COBL: variants seen among roughly 807,000 people sequenced by gnomAD.
COBL encodes protein cordon-bleu.
A neutral mutation model predicts 98.8 loss-of-function variants in COBL; 51 were observed. The ratio of observed to expected loss-of-function variants is 0.52; its 90% CI spans 0.41 to 0.65. The LOEUF (loss-of-function observed/expected upper bound fraction) is 0.65. Among genes scored for constraint, COBL ranks in the 30% least tolerant of loss-of-function variants. The pLI, the probability that COBL is intolerant of heterozygous loss-of-function variation, is 0.00. For missense variants in COBL, 1,617 were observed against 1,617.5 expected, an observed-to-expected ratio of 1.00 and a Z score of 0.01; for synonymous variants, 634 against 651.7, an observed-to-expected ratio of 0.97 and a Z score of 0.41.
intron 5 of COBL, among the ~76,000 whole-genome samples, chr7:51,157,565 A>C (rs1027638088): frequency 3.9e-5 from 6 of 152,086 alleles, no homozygotes; most frequent in African/African-American, 1.4e-4. Flanking sequence ...GCGAGTGTCT[A>C]TGTGGGGAGG....
At chr7:51,294,340 A>G (rs1801204931) in intron 1 of COBL, among the ~76,000 whole-genome samples, 1 of 147,354 alleles carries the variant, frequency 6.8e-6, no homozygotes, top group South Asian at 2.2e-4. Context: ...AAAAATAAAT[A>G]AATAAATAAA....
At chr7:51,202,544 T>TC (rs1336489120) in intron 2 of COBL, among the ~76,000 whole-genome samples, 1 of 151,504 alleles carries the variant, frequency 6.6e-6, no homozygotes, top group Non-Finnish European at 1.5e-5. Context: ...TTAGAACAAA[T>TC]CCCCCACAGA....
intron 1 of COBL, among the ~76,000 whole-genome samples, chr7:51,296,621 T>C (rs1329617891): frequency 6.6e-6 from 1 of 152,240 alleles, no homozygotes; most frequent in Non-Finnish European, 1.5e-5. Flanking sequence ...GATAAATGAC[T>C]CTGAAAGTAT....
chr7:51,242,412 T>C (rs2011611), intron 1 of COBL, among the ~76,000 whole-genome samples: 57,143 of 152,134 alleles, frequency 0.38, 11,324 homozygotes, highest in Non-Finnish European at 0.44. Context: ...ATTCTTTCCT[T>C]GCTTTGTTTG....
intron 6 of COBL, among the ~76,000 whole-genome samples, chr7:51,087,778 CTTTTT>C (rs34922133): frequency 1.7e-5 from 2 of 117,290 alleles, no homozygotes; most frequent in African/African-American, 3.4e-5. Flanking sequence ...CCGGCCCCGC[CTTTTT>C]TTTTTTTTTT....
At chr7:51,254,627 C>A (rs1025521896) in intron 1 of COBL, among the ~76,000 whole-genome samples, 4 of 152,160 alleles carry the variant, frequency 2.6e-5, no homozygotes, top group Admixed American at 6.5e-5. Context: ...CTCCACCACT[C>A]TTCTCAATCA....
At chr7:51,087,778 CTTTTTTTT>C (rs34922133) in intron 6 of COBL, among the ~76,000 whole-genome samples, 3 of 117,328 alleles carry the variant, frequency 2.6e-5, no homozygotes, top group African/African-American at 1.0e-4. Context: ...CCGGCCCCGC[CTTTTTTTT>C]TTTTTTTTTT....
chr7:51,226,339 T>C (rs1327301243), intron 1 of COBL, among the ~76,000 whole-genome samples: 6 of 152,188 alleles, frequency 3.9e-5, no homozygotes, highest in Admixed American at 1.3e-4. Context: ...TCTTCAGCAA[T>C]AGGATGTTTG....
At chr7:51,304,326 A>G in intron 1 of COBL, among the ~76,000 whole-genome samples, 1 of 152,154 alleles carries the variant, frequency 6.6e-6, no homozygotes, top group East Asian at 1.9e-4. Flanking sequence ...GTCACCATTC[A>G]TTCTCCCCAC....
intron 1 of COBL, among the ~76,000 whole-genome samples, chr7:51,230,174 C>T (rs1353040438): frequency 1.3e-5 from 2 of 152,166 alleles, no homozygotes; most frequent in Non-Finnish European, 2.9e-5. Context: ...CTCCAAGCTT[C>T]TCTCCTACGT....
chr7:51,305,526 A>C (rs902431568), intron 1 of COBL, among the ~76,000 whole-genome samples: 3 of 151,486 alleles, frequency 2.0e-5, no homozygotes, highest in Non-Finnish European at 4.4e-5. Flanking sequence ...CATTTAGAAC[A>C]ATCAGTTCTA....
intron 2 of COBL, among the ~76,000 whole-genome samples, chr7:51,217,776 C>A (rs1243897597): frequency 6.6e-6 from 1 of 152,176 alleles, no homozygotes; most frequent in Non-Finnish European, 1.5e-5. Flanking sequence ...TATAATAATG[C>A]GACTAATTTC....
At chr7:51,178,411 T>C (rs1240935244) in intron 5 of COBL, among the ~76,000 whole-genome samples, 1 of 152,164 alleles carries the variant, frequency 6.6e-6, no homozygotes, top group Non-Finnish European at 1.5e-5. Flanking sequence ...TTGGATGGAT[T>C]TGTTTATAAG....
At chr7:51,019,091 T>C (rs1476733682) in intron 12 of COBL, among the ~76,000 whole-genome samples, 2 of 151,240 alleles carry the variant, frequency 1.3e-5, no homozygotes, top group African/African-American at 4.9e-5. Context: ...ACAAACACAG[T>C]GCTCCACTTA....
chr7:51,203,056 T>TGAG (rs542189737), intron 2 of COBL, among the ~76,000 whole-genome samples: 50 of 145,258 alleles, frequency 3.4e-4, no homozygotes, highest in African/African-American at 1.2e-3. Flanking sequence ...ATAAGAATAA[T>TGAG]GAGGAGGAGG....
In COBL at chr7:51,305,887, T is replaced by C. The variant is rs1042096769; in HGVS notation, c.41+10706A>G. Among the ~76,000 whole-genome samples the C allele has an allele frequency of 3.9e-5, 6 of 152,008 alleles. No homozygotes were observed. The East Asian group carries it at 7.8e-4, about 20-fold the overall frequency. ...CGTCTCTACTAAAATACAAAAAAAA[T>C]TGGCCAGCCGTGGTGACACGTGCCT... On this transcript the variant is annotated intron_variant, in intron 1 of 12. Coordinates refer to ENST00000265136, the MANE Select transcript of COBL (RefSeq NM_015198.5).
chr7:51,105,241 C>A (rs755619609), intron 6 of COBL, among the ~76,000 whole-genome samples: 10 of 152,148 alleles, frequency 6.6e-5, no homozygotes, highest in Non-Finnish European at 1.0e-4. Context: ...GTCTCCGAGC[C>A]CATTCTTTGG....
Position 51,027,693 on chromosome 7 carries a change from C to G in COBL, c.3384+19G>C. On this transcript the variant is annotated intron_variant, in intron 10 of 12. Transcript: ENST00000265136. ...GTGGGCAGGTGTGGAAGGCCTGCCC[C>G]GGAAGCCGCCATCCTCACCTTGCGT... 1.3e-6 allele frequency: 2 copies of G among 1,594,112 alleles called. No individual in the cohort carries two copies. The highest frequency in any genetic ancestry group is 2.3e-5 in the South Asian group (2 of 87,334).
At position 51,316,809 on chromosome 7, in the gene COBL, T is replaced by C. The variant is rs1444405938; in HGVS notation, c.-176A>G. 7.4e-6 allele frequency: 3 copies of C among 403,058 alleles called. No homozygotes were observed. Among genetic ancestry groups the C allele is most frequent in the East Asian group, 4.7e-5 (1 of 21,190 alleles). 25.0% of individuals were successfully genotyped at this position (403,058 alleles called of 1,614,324 possible). A position where few individuals can be genotyped will look rare whatever the true frequency, so the allele number is the denominator to read the frequency against. ...GGACGGAAGGGGCTGGAATCGTCTC[T>C]AGCGGGCGGGGGCGCCGGGAGCGCA... On this transcript the variant is annotated 5_prime_UTR_variant, in exon 1 of 13. Coordinates refer to ENST00000265136, the MANE Select transcript of COBL (RefSeq NM_015198.5).
Sources: allele counts gnomAD v4.1 joint callset (sites outside exome capture counted in the v4.1 genomes callset), GRCh38; gene constraint gnomAD v4.1.1; transcripts MANE v1.5; gene names NCBI Gene and HGNC (gene_info 2026-07-23, HGNC 2026-07-21).